ZNF205: variants seen among roughly 807,000 people sequenced by gnomAD.
ZNF205 encodes transcriptional repressor RHIT.
In ZNF205, 32 loss-of-function variants were observed where a neutral mutation model predicts 53.6. The observed-to-expected ratio is 0.60, with a 90% confidence interval of 0.45 to 0.80. The LOEUF (loss-of-function observed/expected upper bound fraction) is 0.80, where lower values mean the gene tolerates loss of function less well. ZNF205 is among the 30% of genes least tolerant of loss of function. The pLI is 0.00. For synonymous variants in ZNF205, 382 were observed against 334.3 expected, an observed-to-expected ratio of 1.14 and a Z score of -1.56; for missense variants, 836 against 782.4, an observed-to-expected ratio of 1.07 and a Z score of -0.82.
chr16:3,116,382 T>G, intron 4 of ZNF205, 45 bp from the exon 5 acceptor site: 1 of 1,609,432 alleles, frequency 6.2e-7, no homozygotes, highest in Non-Finnish European at 8.5e-7. Flanking sequence ...CCCTCCACCG[T>G]GTCCACGTCA....
Position 3,119,497 on chromosome 16 carries a change from G to T in ZNF205, c.837G>T (p.Pro279=). The change falls in exon 7 of 7, where the codon CCG becomes CCT. Residue 279 remains proline, a synonymous_variant. Transcript: ENST00000219091. ...SPTEPQEYRV[P]EKPNEEEKGA... Reference sequence around the variant, plus strand: ...CGGAGCCCCAGGAGTACCGCGTCCCGGAGAAGCCCAACGAGGAGGAGAAGG... The same window carrying T: ...CGGAGCCCCAGGAGTACCGCGTCCCTGAGAAGCCCAACGAGGAGGAGAAGG... 1 of 1,594,666 alleles carries T rather than the reference G, an allele frequency of 6.3e-7. No individual in the cohort carries two copies. The highest frequency in any genetic ancestry group is 8.5e-7 in the Non-Finnish European group (1 of 1,171,610).
rs555387470 is a variant in ZNF205, at chr16:3,112,908, C to T, written c.-15+226C>T. 7.8e-4 allele frequency: 151 copies of T among 192,472 alleles called. 1 individual carries two copies. Among genetic ancestry groups the T allele is most frequent in the South Asian group, 1.3e-3 (14 of 10,378 alleles). 11.9% of individuals were successfully genotyped at this position (192,472 alleles called of 1,614,324 possible). A position where few individuals can be genotyped will look rare whatever the true frequency, so the allele number is the denominator to read the frequency against. ...GCAGCTGCAGGGGGGCTGCTGAGAG[C>T]GGGCAGGTTGATTTCTGAATTCCTG... On this transcript the variant is annotated intron_variant, in intron 1 of 6. Transcript: ENST00000219091.
chr16:3,118,916 A>G lies in ZNF205; in HGVS notation c.496A>G (p.Ser166Gly). The G allele has an allele frequency of 6.2e-7, 1 of 1,613,494 alleles. No homozygotes were observed. Among genetic ancestry groups the G allele is most frequent in the Non-Finnish European group, 8.5e-7 (1 of 1,179,908 alleles). Residue 166 changes from serine to glycine, a missense_variant, in exon 6 of 7, where the codon AGC becomes GGC. Physicochemically the swap from Ser to Gly is moderately conservative, Grantham distance 56. Coordinates refer to ENST00000219091, the MANE Select transcript of ZNF205 (RefSeq NM_001042428.2). ...CTCTTTCTGGGCAGGCTTTCCCTTC[A>G]GCAGGCCTTTCTGGGCCCCTCAAGC... The part of the protein sequence containing the change: ...KNGLSLGFPF[S>G]RPFWAPQAHG...
rs1167119666 is a variant in ZNF205, at chr16:3,119,730, T to A, written c.1070T>A (p.Ile357Asn). ...TCGCACCTCATCCAGCACCAGATCATCCACACGGGCGAGAAGCCCTACACC... is the reference window on the plus strand; with the variant it reads ...TCGCACCTCATCCAGCACCAGATCAACCACACGGGCGAGAAGCCCTACACC... ...RSSHLIQHQI[I>N]HTGEKPYTCP... The change falls in exon 7 of 7, where the codon ATC becomes AAC. Residue 357 changes from isoleucine (I) to asparagine (N), a missense_variant. Physicochemically the swap from Ile to Asn is moderately radical, Grantham distance 149. Coordinates refer to ENST00000219091, the MANE Select transcript of ZNF205 (RefSeq NM_001042428.2). The A allele has an allele frequency of 6.2e-7, 1 of 1,611,264 alleles. No individual in the cohort carries two copies. The highest frequency in any genetic ancestry group is 1.7e-5 in the Admixed American group (1 of 59,836).
In ZNF205 at chr16:3,113,536, CGGA is replaced by C. The variant is rs764519021; in HGVS notation, c.57+54_57+56del. ...AGGTGTGCGGTAGAAGAGGCTGGTG[CGGA>C]GGAGATTTTCAAGGCACAGAGTCTG... is the stretch of plus-strand genomic sequence containing the variant. On this transcript the variant is annotated intron_variant, in intron 2 of 6. Transcript: ENST00000219091. 36 of 1,594,016 alleles carry C rather than the reference CGGA, an allele frequency of 2.3e-5. No homozygotes were observed. In the East Asian group the frequency reaches 5.8e-4, roughly 26 times the overall value.
At position 3,120,283 on chromosome 16, in the gene ZNF205, G is replaced by A. The variant is rs762067544; in HGVS notation, c.1623G>A (p.Ala541=). 1.1e-5 allele frequency: 17 copies of A among 1,592,004 alleles called. No homozygotes were observed. Among genetic ancestry groups the A allele is most frequent in the Non-Finnish European group, 1.4e-5 (16 of 1,176,004 alleles). ...TGGCCATGCTGATGCTGGGGGCGGCGGCGGCGGGGGCTCTGGCCACACCCC... is the reference window on the plus strand; with the variant it reads ...TGGCCATGCTGATGCTGGGGGCGGCAGCGGCGGGGGCTCTGGCCACACCCC... ...KALAMLMLGA[A]AAGALATPPP... Residue 541 remains alanine, a synonymous_variant, in exon 7 of 7, where the codon GCG becomes GCA. Coordinates refer to ENST00000219091, the MANE Select transcript of ZNF205 (RefSeq NM_001042428.2).
chr16:3,119,153 T>C (rs1957384788), intron 6 of ZNF205, 103 bp from the exon 7 acceptor site: 2 of 1,506,170 alleles, frequency 1.3e-6, no homozygotes, highest in Non-Finnish European at 8.9e-7. Context: ...TTGCGCTTTC[T>C]GGTCTCTGAG....
At chr16:3,115,691 G>A in intron 3 of ZNF205, 123 bp downstream of exon 3, 3 of 1,384,108 alleles carry the variant, frequency 2.2e-6, no homozygotes, top group African/African-American at 1.5e-5. Context: ...TCCCCCCATG[G>A]CCCACAGCCC....
Position 3,120,245 on chromosome 16 carries a change from G to T in ZNF205, c.1585G>T (p.Gly529Trp). The T allele has an allele frequency of 6.2e-7, 1 of 1,606,758 alleles. No homozygotes were observed. Among genetic ancestry groups the T allele is most frequent in the South Asian group, 1.1e-5 (1 of 91,024 alleles). ...CCGGCACGAGAAGATCCACACCACC[G>T]GGCCCAAGGCCCTGGCCATGCTGAT... Reference protein sequence around the residue: ...LHRHEKIHTTGPKALAMLMLG... With the variant: ...LHRHEKIHTTWPKALAMLMLG... Residue 529 changes from glycine to tryptophan, a missense_variant, in exon 7 of 7, where the codon GGG becomes TGG. Transcript: ENST00000219091.
At chr16:3,113,570 C>G in intron 2 of ZNF205, 83 bp downstream of exon 2, 1 of 1,504,098 alleles carries the variant, frequency 6.6e-7, no homozygotes, top group Admixed American at 2.0e-5. Flanking sequence ...GTCTGGACCC[C>G]TGGAAGAGTT....
chr16:3,120,057 A>G lies in ZNF205; in HGVS notation c.1397A>G (p.His466Arg). The change falls in exon 7 of 7, where the codon CAC becomes CGC. Residue 466 changes from histidine (H) to arginine (R), a missense_variant. Physicochemically the swap from His to Arg is conservative, Grantham distance 29. Transcript: ENST00000219091. ...AGCCAGCGTTCCAACCTCATCGCGC[A>G]CAACCGCACACACACAGGCGAGAAG... Reference protein sequence around the residue: ...CFSQRSNLIAHNRTHTGEKPY... With the variant: ...CFSQRSNLIARNRTHTGEKPY... 1 of 1,613,784 alleles carries G rather than the reference A, an allele frequency of 6.2e-7. No individual in the cohort carries two copies. Among genetic ancestry groups the G allele is most frequent in the Non-Finnish European group, 8.5e-7 (1 of 1,179,890 alleles).
Position 3,115,416 on chromosome 16 carries a change from C to G in ZNF205, c.119C>G (p.Ser40Ter). The G allele has an allele frequency of 6.2e-7, 1 of 1,611,828 alleles. No individual in the cohort carries two copies. The highest frequency in any genetic ancestry group is 2.2e-5 in the East Asian group (1 of 44,712). Reference sequence around the variant, plus strand: ...TCTAAGCTGGGGGAGGCGGTACCTTCAGGGGACACTCAGGAGTCACTGCAC... The same window carrying G: ...TCTAAGCTGGGGGAGGCGGTACCTTGAGGGGACACTCAGGAGTCACTGCAC... ...MPSKLGEAVP[S>*]GDTQESLHIK... The change falls in exon 3 of 7, where the codon TCA (serine) becomes TGA (stop). Residue 40 changes from serine to a stop codon, truncating the protein, a stop_gained. Coordinates refer to ENST00000219091, the MANE Select transcript of ZNF205 (RefSeq NM_001042428.2). LOFTEE classifies it high-confidence loss of function.
Position 3,119,933 on chromosome 16 carries a change from T to C in ZNF205, c.1273T>C (p.Cys425Arg). Residue 425 changes from cysteine (C) to arginine (R), a missense_variant, in exon 7 of 7, where the codon TGC becomes CGC. Transcript: ENST00000219091. ...TGAKPHKCPI[C>R]AKCFTQSSAL... Reference sequence around the variant, plus strand: ...CGCCAAGCCGCACAAGTGCCCCATCTGCGCCAAGTGCTTCACGCAGAGCTC... The same window carrying C: ...CGCCAAGCCGCACAAGTGCCCCATCCGCGCCAAGTGCTTCACGCAGAGCTC... The C allele has an allele frequency of 6.2e-7, 1 of 1,613,662 alleles. No individual in the cohort carries two copies. Among genetic ancestry groups the C allele is most frequent in the Non-Finnish European group, 8.5e-7 (1 of 1,179,924 alleles).
At chr16:3,113,842 C>T (rs576401666) in intron 2 of ZNF205, among the ~76,000 whole-genome samples, 8 of 152,206 alleles carry the variant, frequency 5.3e-5, no homozygotes, top group South Asian at 4.2e-4. Flanking sequence ...TCTGAGCTCC[C>T]GGTCCTTTCT....
intron 2 of ZNF205, among the ~76,000 whole-genome samples, chr16:3,113,746 C>G (rs1243474406): frequency 6.6e-6 from 1 of 152,192 alleles, no homozygotes; most frequent in Non-Finnish European, 1.5e-5. Flanking sequence ...GGTTTTCTTT[C>G]TGAGCAGCGC....
chr16:3,119,796 T>A lies in ZNF205; in HGVS notation c.1136T>A (p.Leu379Gln), dbSNP rs1190069233. The A allele has an allele frequency of 5.0e-6, 8 of 1,613,616 alleles. No homozygotes were observed. The highest frequency in any genetic ancestry group is 3.3e-5 in the Admixed American group (2 of 60,000). The change falls in exon 7 of 7, where the codon CTG becomes CAG. Residue 379 changes from leucine (L) to glutamine (Q), a missense_variant. Transcript: ENST00000219091. ...CRKSFSHHST[L>Q]IQHQRIHTGE... ...AAGAGCTTCAGCCACCACTCCACGCTGATTCAGCACCAGCGCATCCACACC... is the reference window on the plus strand; with the variant it reads ...AAGAGCTTCAGCCACCACTCCACGCAGATTCAGCACCAGCGCATCCACACC...
Position 3,119,319 on chromosome 16 carries a change from C to T in ZNF205, c.659C>T (p.Pro220Leu). Reference sequence around the variant, plus strand: ...GTGGCAGCCCTTGGGAATGTGAAGCCCTTCAGAACCAGGGCAGGGAGAGTC... The same window carrying T: ...GTGGCAGCCCTTGGGAATGTGAAGCTCTTCAGAACCAGGGCAGGGAGAGTC... ...SSVAALGNVK[P>L]FRTRAGRVQW... Residue 220 changes from proline (P) to leucine (L), a missense_variant, in exon 7 of 7, where the codon CCC (proline) becomes CTC (leucine). By Grantham distance (98) the Pro-to-Leu change is moderately conservative. Coordinates refer to ENST00000219091, the MANE Select transcript of ZNF205 (RefSeq NM_001042428.2). The T allele has an allele frequency of 6.2e-7, 1 of 1,612,082 alleles. No individual in the cohort carries two copies. Among genetic ancestry groups the T allele is most frequent in the South Asian group, 1.1e-5 (1 of 91,032 alleles).
In ZNF205 at chr16:3,119,656, C is replaced by G. The variant is rs900598495; in HGVS notation, c.996C>G (p.Gly332=). ...HLVTHRRTHT[G]EKPYACTDCG... is the part of the protein sequence containing the mutation. ...TGACGCACCGGCGCACGCACACGGGCGAGAAGCCCTACGCCTGCACTGACT... is the reference window on the plus strand; with the variant it reads ...TGACGCACCGGCGCACGCACACGGGGGAGAAGCCCTACGCCTGCACTGACT... Residue 332 remains glycine, a synonymous_variant, in exon 7 of 7, where the codon GGC becomes GGG. Coordinates refer to ENST00000219091, the MANE Select transcript of ZNF205 (RefSeq NM_001042428.2). The G allele has an allele frequency of 1.2e-6, 2 of 1,612,790 alleles. No individual in the cohort carries two copies. Among genetic ancestry groups the G allele is most frequent in the African/African-American group, 2.7e-5 (2 of 74,914 alleles).
In ZNF205 at chr16:3,119,640, G is replaced by C; in HGVS notation, c.980G>C (p.Arg327Pro). 1.2e-6 allele frequency: 2 copies of C among 1,611,612 alleles called. No individual in the cohort carries two copies. The highest frequency in any genetic ancestry group is 1.1e-5 in the South Asian group (1 of 90,958). The change falls in exon 7 of 7, where the codon CGG becomes CCG. Residue 327 changes from arginine (R) to proline (P), a missense_variant. Physicochemically the swap from Arg to Pro is moderately radical, Grantham distance 103. Transcript: ENST00000219091. ...TGGCACTCGCACCTGGTGACGCACC[G>C]GCGCACGCACACGGGCGAGAAGCCC... ...FSWHSHLVTH[R>P]RTHTGEKPYA... is the part of the protein sequence containing the mutation.
Sources: allele counts gnomAD v4.1 joint callset (sites outside exome capture counted in the v4.1 genomes callset), GRCh38; gene constraint gnomAD v4.1.1; transcripts MANE v1.5; gene names NCBI Gene and HGNC (gene_info 2026-07-23, HGNC 2026-07-21).